ANXA8: variants seen among roughly 807,000 people sequenced by gnomAD.
ANXA8 encodes VAC-beta.
Under a neutral mutation model 26.8 loss-of-function variants are expected in ANXA8, and 9 were observed. That is an observed-to-expected ratio of 0.34 (90% CI 0.20 to 0.59). The LOEUF (loss-of-function observed/expected upper bound fraction) is 0.59. ANXA8 is among the 20% of genes least tolerant of loss of function. The probability of loss-of-function intolerance (pLI) is 0.84; values close to 1 mark genes in which losing one functional copy is unlikely to be tolerated. For missense variants in ANXA8, 83 were observed against 238.5 expected (o/e 0.35, Z 4.29); for synonymous variants, 39 against 94.8 (o/e 0.41, Z 3.42).
the ANXA8 span, among the ~76,000 whole-genome samples, chr10:47,670,125 T>C: frequency 4.2e-3 from 638 of 151,990 alleles, 16 homozygotes; most frequent in Admixed American, 0.027. Flanking sequence ...TGTGGCCTTT[T>C]GTCACATGTT....
the ANXA8 span, among the ~76,000 whole-genome samples, chr10:47,772,211 C>T: frequency 2.2e-3 from 341 of 151,780 alleles, 1 homozygote; most frequent in African/African-American, 7.9e-3. Context: ...GTTGGGTAGC[C>T]TCAGATTTGA....
chr10:47,682,831 T>C, the ANXA8 span, among the ~76,000 whole-genome samples: 1 of 152,074 alleles, frequency 6.6e-6, no homozygotes, highest in Non-Finnish European at 1.5e-5. Flanking sequence ...TTTGAGTGCT[T>C]GGACTTTATT....
At chr10:47,907,770 A>ATAT in the ANXA8 span, among the ~76,000 whole-genome samples, 1 of 39,590 alleles carries the variant, frequency 2.5e-5, no homozygotes, top group Non-Finnish European at 4.7e-5. Flanking sequence ...TGTCTCAAAA[A>ATAT]AAAAAAAAAA....
chr10:47,738,894 T>C, the ANXA8 span, among the ~76,000 whole-genome samples: 1 of 151,240 alleles, frequency 6.6e-6, no homozygotes, highest in African/African-American at 2.4e-5. Context: ...TTTTAAATCA[T>C]TGATTTCAAC....
chr10:47,485,972 G>T (rs1349135093), upstream of ANXA8, among the ~76,000 whole-genome samples: 1 of 151,850 alleles, frequency 6.6e-6, no homozygotes, highest in Non-Finnish European at 1.5e-5. Context: ...GCCAGGAGTG[G>T]TGGCGGGCAC....
the ANXA8 span, among the ~76,000 whole-genome samples, chr10:47,708,711 C>T: frequency 1.3e-5 from 2 of 152,000 alleles, no homozygotes; most frequent in African/African-American, 4.8e-5. Flanking sequence ...TGAGGTGTTA[C>T]ATGTTTTACA....
the ANXA8 span, among the ~76,000 whole-genome samples, chr10:47,697,269 A>G: frequency 2.0e-5 from 3 of 152,248 alleles, no homozygotes; most frequent in East Asian, 1.9e-4. Context: ...TTTCTGTGAA[A>G]TGGAGATAAA....
the ANXA8 span, among the ~76,000 whole-genome samples, chr10:47,958,514 C>T: frequency 6.8e-6 from 1 of 147,546 alleles, no homozygotes; most frequent in African/African-American, 2.6e-5. Flanking sequence ...CACTGGCTCC[C>T]TGGGCCACAG....
the ANXA8 span, among the ~76,000 whole-genome samples, chr10:47,581,863 C>T: frequency 6.6e-6 from 1 of 150,618 alleles, no homozygotes; most frequent in Non-Finnish European, 1.5e-5. Flanking sequence ...CCTTGGCCTC[C>T]CAAAGTGCTG....
At chr10:47,691,035 G>C in the ANXA8 span, 1 of 1,610,968 alleles carries the variant, frequency 6.2e-7, no homozygotes, top group Admixed American at 1.7e-5. Flanking sequence ...AAGTATAATT[G>C]TTTAGTCATG....
the ANXA8 span, among the ~76,000 whole-genome samples, chr10:47,681,991 A>G: frequency 1.5e-4 from 21 of 141,352 alleles, no homozygotes; most frequent in East Asian, 4.4e-3. Context: ...GATCCAAAAA[A>G]CTCTTATCCC....
the ANXA8 span, among the ~76,000 whole-genome samples, chr10:47,938,102 C>CG: frequency 1.0e-4 from 4 of 38,740 alleles, no homozygotes; most frequent in Non-Finnish European, 2.2e-4. Context: ...GGAATTACCT[C>CG]ACTGTTTTCC....
the ANXA8 span, among the ~76,000 whole-genome samples, chr10:47,943,667 G>A: frequency 2.3e-4 from 35 of 151,780 alleles, 1 homozygote; most frequent in South Asian, 5.0e-3. Flanking sequence ...TACAGGTGGG[G>A]CATTGGAAGC....
At chr10:47,973,885 A>G in the ANXA8 span, among the ~76,000 whole-genome samples, 1 of 151,126 alleles carries the variant, frequency 6.6e-6, no homozygotes, top group South Asian at 2.1e-4. Flanking sequence ...CTGTGAATCC[A>G]TCTAGTCCAG....
chr10:47,940,414 G>A, the ANXA8 span, among the ~76,000 whole-genome samples: 2 of 147,196 alleles, frequency 1.4e-5, no homozygotes, highest in African/African-American at 2.6e-5. Flanking sequence ...CCTTCCCCAC[G>A]ATGCAGCCAA....
At chr10:47,489,972 C>T in the ANXA8 span, among the ~76,000 whole-genome samples, 5 of 150,522 alleles carry the variant, frequency 3.3e-5, no homozygotes, top group Non-Finnish European at 7.4e-5. Flanking sequence ...GCTCAATGAG[C>T]CCCATGAGGG....
the ANXA8 span, among the ~76,000 whole-genome samples, chr10:47,659,512 A>G: frequency 2.0e-5 from 3 of 151,342 alleles, no homozygotes; most frequent in Non-Finnish European, 4.4e-5. Flanking sequence ...CCCTGTCTCT[A>G]CTAAAAATAC....
At chr10:47,733,268 TTTC>T in the ANXA8 span, among the ~76,000 whole-genome samples, 2 of 113,116 alleles carry the variant, frequency 1.8e-5, no homozygotes, top group East Asian at 3.4e-4. Context: ...TCTTTCTTTC[TTTC>T]TTTCTTTCTT....
chr10:47,626,807 G>C, the ANXA8 span, among the ~76,000 whole-genome samples: 1 of 150,384 alleles, frequency 6.6e-6, no homozygotes, highest in East Asian at 1.9e-4. Flanking sequence ...AAGGTAATCA[G>C]AGGAAGGAAG....
Sources: allele counts gnomAD v4.1 joint callset (sites outside exome capture counted in the v4.1 genomes callset), GRCh38; gene constraint gnomAD v4.1.1; transcripts MANE v1.5; gene names NCBI Gene and HGNC (gene_info 2026-07-23, HGNC 2026-07-21).